FBXL20: variants seen among roughly 807,000 people sequenced by gnomAD.
FBXL20 encodes the protein F-box and leucine rich repeat protein 20.
FBXL20 carries 11 observed loss-of-function variants against 64.0 expected under a neutral mutation model. The ratio of observed to expected loss-of-function variants is 0.17; its 90% CI spans 0.11 to 0.28. The LOEUF is 0.28. Ranked by LOEUF, FBXL20 falls within the 10% of genes least tolerant of loss-of-function variation. The pLI is 1.00. For synonymous variants in FBXL20, 184 were observed against 189.0 expected, an observed-to-expected ratio of 0.97 and a Z score of 0.22; for missense variants, 303 against 526.2, an observed-to-expected ratio of 0.58 and a Z score of 4.15.
chr17:39,354,425 G>A (rs1388879699), intron 1 of FBXL20, among the ~76,000 whole-genome samples: 2 of 152,124 alleles, frequency 1.3e-5, no homozygotes, highest in Non-Finnish European at 2.9e-5. Flanking sequence ...TTAACTGGAT[G>A]TGACTGTTCC....
At chr17:39,373,138 C>T (rs932635978) in intron 1 of FBXL20, among the ~76,000 whole-genome samples, 1 of 152,036 alleles carries the variant, frequency 6.6e-6, no homozygotes, top group Non-Finnish European at 1.5e-5. Context: ...TCCATGAAAC[C>T]TTTTCTGACC....
At chr17:39,353,713 C>A (rs1461187232) in intron 1 of FBXL20, among the ~76,000 whole-genome samples, 2 of 151,982 alleles carry the variant, frequency 1.3e-5, no homozygotes, top group East Asian at 3.9e-4. Flanking sequence ...ACCTCCACCT[C>A]CCAGGTTCAA....
intron 3 of FBXL20, 140 bp downstream of exon 3, chr17:39,303,445 G>T: frequency 1.6e-6 from 1 of 610,772 alleles, no homozygotes; most frequent in Non-Finnish European, 2.8e-6. Flanking sequence ...ATGGGTTTGG[G>T]TATGTCATTG....
At chr17:39,379,206 C>T (rs2047999290) in intron 1 of FBXL20, among the ~76,000 whole-genome samples, 1 of 148,568 alleles carries the variant, frequency 6.7e-6, no homozygotes, top group African/African-American at 2.5e-5. Flanking sequence ...AGTGAAACTC[C>T]GTCTCAAAAA....
chr17:39,356,421 T>C (rs749318783), intron 1 of FBXL20, among the ~76,000 whole-genome samples: 2 of 151,972 alleles, frequency 1.3e-5, no homozygotes, highest in Non-Finnish European at 2.9e-5. Flanking sequence ...AGTGGCACAA[T>C]CATGGCTCAC....
intron 1 of FBXL20, among the ~76,000 whole-genome samples, chr17:39,363,814 A>AAAAACAAAACAAAC (rs1567896943): frequency 7.4e-6 from 1 of 134,662 alleles, no homozygotes; most frequent in African/African-American, 3.1e-5. Context: ...TTATCTCAAA[A>AAAAACAAAACAAAC]AAAAAAAAAA....
chr17:39,348,683 A>T (rs905573911), intron 1 of FBXL20, among the ~76,000 whole-genome samples: 1 of 152,184 alleles, frequency 6.6e-6, no homozygotes, highest in African/African-American at 2.4e-5. Context: ...GCAGTAATTC[A>T]CAAAGTTGTA....
At chr17:39,347,501 T>C in intron 1 of FBXL20, among the ~76,000 whole-genome samples, 1 of 152,246 alleles carries the variant, frequency 6.6e-6, no homozygotes, top group East Asian at 1.9e-4. Flanking sequence ...TTGAGAAGTG[T>C]CTGTTCATAT....
intron 3 of FBXL20, among the ~76,000 whole-genome samples, chr17:39,302,578 T>C (rs2047147119): frequency 6.6e-6 from 1 of 152,172 alleles, no homozygotes; most frequent in Admixed American, 6.5e-5. Flanking sequence ...TTTCACTGTG[T>C]TAGCCAGGAG....
chr17:39,323,985 C>G (rs1275793753), intron 2 of FBXL20, among the ~76,000 whole-genome samples: 2 of 146,766 alleles, frequency 1.4e-5, no homozygotes, highest in African/African-American at 5.4e-5. Flanking sequence ...AGGCTGGTCT[C>G]GAACTCCTGA....
intron 2 of FBXL20, among the ~76,000 whole-genome samples, chr17:39,307,843 T>C (rs2047196740): frequency 6.6e-6 from 1 of 151,814 alleles, no homozygotes. Context: ...TGGTGGCAAG[T>C]GCCTGTAATC....
At chr17:39,343,693 CTCTT>C (rs1251787011) in intron 1 of FBXL20, among the ~76,000 whole-genome samples, 20 of 147,428 alleles carry the variant, frequency 1.4e-4, no homozygotes, top group African/African-American at 5.2e-4. Context: ...GTGGCGAAAA[CTCTT>C]TTTTTTTTTT....
chr17:39,325,642 G>A (rs548902738), intron 2 of FBXL20, among the ~76,000 whole-genome samples: 1 of 152,070 alleles, frequency 6.6e-6, no homozygotes, highest in Non-Finnish European at 1.5e-5. Flanking sequence ...ACAGAATTTG[G>A]AGCAACCACA....
At chr17:39,287,597 G>T (rs111788480) in intron 6 of FBXL20, among the ~76,000 whole-genome samples, 1 of 152,050 alleles carries the variant, frequency 6.6e-6, no homozygotes, top group Non-Finnish European at 1.5e-5. Flanking sequence ...TAGAGACAGG[G>T]TCTAACTATG....
At chr17:39,309,567 G>A (rs1425468892) in intron 2 of FBXL20, among the ~76,000 whole-genome samples, 3 of 151,986 alleles carry the variant, frequency 2.0e-5, no homozygotes, top group African/African-American at 7.2e-5. Flanking sequence ...GTGCAATGGT[G>A]CGAGACAGCT....
intron 6 of FBXL20, among the ~76,000 whole-genome samples, chr17:39,288,217 T>A (rs1295798291): frequency 6.6e-6 from 1 of 152,136 alleles, no homozygotes; most frequent in African/African-American, 2.4e-5. Context: ...TCCGCCCACC[T>A]TGGCCTCCCA....
intron 1 of FBXL20, among the ~76,000 whole-genome samples, chr17:39,354,272 G>A (rs1187655846): frequency 2.6e-5 from 4 of 152,138 alleles, no homozygotes; most frequent in Non-Finnish European, 4.4e-5. Context: ...AGGACCATTT[G>A]CTTCTCCTCA....
intron 2 of FBXL20, among the ~76,000 whole-genome samples, chr17:39,323,555 T>A (rs181492902): frequency 0.011 from 1,262 of 120,142 alleles, 19 homozygotes; most frequent in African/African-American, 0.064. Flanking sequence ...CACCTCTTTC[T>A]TCTTTACAAT....
At position 39,260,758 on chromosome 17, in the gene FBXL20, A is replaced by C. The variant is rs771462071; in HGVS notation, c.*702T>G. On this transcript the variant is annotated 3_prime_UTR_variant, in exon 15 of 15. Transcript: ENST00000264658. Reference sequence around the variant, plus strand: ...CAGACTGAGCAAGAGTGTGGGGGGGAGCAACAGAGAATGTAAGACAGGTGC... The same window carrying C: ...CAGACTGAGCAAGAGTGTGGGGGGGCGCAACAGAGAATGTAAGACAGGTGC... 6.5e-6 allele frequency: 1 copy of C among 152,954 alleles called. No homozygotes were observed. Among genetic ancestry groups the C allele is most frequent in the South Asian group, 2.1e-4 (1 of 4,838 alleles). The allele number at this position is 152,954 out of a possible 1,614,324, so 9.5% of individuals were successfully genotyped here.
Sources: allele counts gnomAD v4.1 joint callset (sites outside exome capture counted in the v4.1 genomes callset), GRCh38; gene constraint gnomAD v4.1.1; transcripts MANE v1.5; gene names NCBI Gene and HGNC (gene_info 2026-07-23, HGNC 2026-07-21).